VRK1: variants seen among roughly 807,000 people sequenced by gnomAD.
The protein encoded by VRK1 is VRK serine/threonine kinase 1.
VRK1 carries 33 observed loss-of-function variants against 57.1 expected under a neutral mutation model. The ratio of observed to expected loss-of-function variants is 0.58; its 90% CI spans 0.44 to 0.77. VRK1 has a LOEUF of 0.77. Among genes scored for constraint, VRK1 ranks in the 30% least tolerant of loss-of-function variants. VRK1 has a pLI of 0.00. For synonymous variants in VRK1, 137 were observed against 147.8 expected, an observed-to-expected ratio of 0.93 and a Z score of 0.53; for missense variants, 413 against 477.3, an observed-to-expected ratio of 0.87 and a Z score of 1.25.
At chr14:96,869,380 A>T (rs988657634) in intron 11 of VRK1, among the ~76,000 whole-genome samples, 3 of 152,212 alleles carry the variant, frequency 2.0e-5, no homozygotes, top group Non-Finnish European at 4.4e-5. Context: ...ATAAACTAAG[A>T]TCTTAGATCT....
intron 3 of VRK1, among the ~76,000 whole-genome samples, chr14:96,843,436 T>G (rs1429993448): frequency 6.6e-6 from 1 of 152,218 alleles, no homozygotes; most frequent in Non-Finnish European, 1.5e-5. Flanking sequence ...ATGTTTGATT[T>G]TCCTCACTGA....
rs537305680 is a variant in VRK1, at chr14:96,856,893, GGGAGGC to G, written c.889+313_889+318del. 1.2e-4 allele frequency among the ~76,000 whole-genome samples: 18 copies of G among 152,194 alleles called. No individual in the cohort carries two copies. The East Asian group carries it at 3.1e-3, about 26-fold the overall frequency. Reference sequence around the variant, plus strand: ...TGAGGCAGGAGAATCGCTTGAACCCGGGAGGCGGAGGTTGCAGTGAGCCGAGATTGT... The same window carrying G: ...TGAGGCAGGAGAATCGCTTGAACCCGGGAGGTTGCAGTGAGCCGAGATTGT... On this transcript the variant is annotated intron_variant, in intron 10 of 12. Coordinates refer to ENST00000216639, the MANE Select transcript of VRK1 (RefSeq NM_003384.3).
intron 1 of VRK1, among the ~76,000 whole-genome samples, chr14:96,829,481 T>C (rs1886925746): frequency 2.0e-5 from 3 of 152,192 alleles, no homozygotes; most frequent in Admixed American, 2.0e-4. Context: ...ATGTGTTTAT[T>C]TTAAAGATAC....
At chr14:96,878,104 C>G (rs1265299114) in intron 12 of VRK1, among the ~76,000 whole-genome samples, 3 of 152,092 alleles carry the variant, frequency 2.0e-5, no homozygotes, top group Non-Finnish European at 4.4e-5. Context: ...TCCCCCATTA[C>G]AGTTCACTTT....
chr14:96,861,671 T>C (rs1242564348), intron 11 of VRK1, among the ~76,000 whole-genome samples: 1 of 152,192 alleles, frequency 6.6e-6, no homozygotes, highest in Non-Finnish European at 1.5e-5. Flanking sequence ...ATTTTGAAAT[T>C]GGACCAAAAA....
intron 1 of VRK1, among the ~76,000 whole-genome samples, chr14:96,808,026 T>C (rs1465119929): frequency 1.4e-4 from 6 of 42,628 alleles, no homozygotes; most frequent in Non-Finnish European, 3.2e-4. Flanking sequence ...TCTGTGTGTG[T>C]GTGTGTGTGT....
At chr14:96,827,367 C>T (rs139267007) in intron 1 of VRK1, among the ~76,000 whole-genome samples, 1 of 152,126 alleles carries the variant, frequency 6.6e-6, no homozygotes, top group African/African-American at 2.4e-5. Flanking sequence ...AAGTGCTTCT[C>T]TTGTTGCCAT....
chr14:96,848,204 C>T (rs1011283565), intron 5 of VRK1, among the ~76,000 whole-genome samples: 1 of 152,034 alleles, frequency 6.6e-6, no homozygotes, highest in Admixed American at 6.6e-5. Context: ...ATTGTGTGGT[C>T]GCCAGGTGGC....
intron 1 of VRK1, among the ~76,000 whole-genome samples, chr14:96,831,465 A>AT (rs1312546642): frequency 6.6e-6 from 1 of 152,194 alleles, no homozygotes; most frequent in African/African-American, 2.4e-5. Flanking sequence ...CTGTGGGACT[A>AT]TTTTTAGGAA....
intron 11 of VRK1, among the ~76,000 whole-genome samples, chr14:96,873,088 C>T (rs554065064): frequency 2.0e-5 from 3 of 152,200 alleles, no homozygotes; most frequent in East Asian, 1.9e-4. Flanking sequence ...TAACACTGCC[C>T]GAGTACGCAT....
Position 96,853,369 on chromosome 14 carries a change from C to T in VRK1, c.576+203C>T, listed in dbSNP as rs541672683. Among the ~76,000 whole-genome samples, 4 of 151,988 alleles carry T rather than the reference C, an allele frequency of 2.6e-5. No homozygotes were observed. The East Asian group carries it at 7.7e-4, about 29-fold the overall frequency. ...CACTTTATCAAGTTGGCTATTTTGC[C>T]CTAAATAATATTCAGAAGAAGTGCT... is the stretch of plus-strand genomic sequence containing the variant. On this transcript the variant is annotated intron_variant, in intron 7 of 12. Coordinates refer to ENST00000216639, the MANE Select transcript of VRK1 (RefSeq NM_003384.3).
intron 12 of VRK1, among the ~76,000 whole-genome samples, chr14:96,879,206 T>C (rs1281869361): frequency 6.7e-6 from 1 of 149,978 alleles, no homozygotes; most frequent in African/African-American, 2.5e-5. Context: ...GTGTATATTA[T>C]GAAAATGGTT....
Position 96,827,332 on chromosome 14 carries a change from G to GATC in VRK1, c.-5-6135_-5-6134insATC, listed in dbSNP as rs1886837700. Among the ~76,000 whole-genome samples, 4 of 152,160 alleles carry GATC rather than the reference G, an allele frequency of 2.6e-5. No homozygotes were observed. The South Asian group carries it at 8.3e-4, about 32-fold the overall frequency. The stretch of plus-strand genomic sequence containing the variant: ...GATTTTGTCAGTAGAAGGTGAGGAA[G>GATC]GGATACTGCAAGACTTAGCAGAGAA... On this transcript the variant is annotated intron_variant, in intron 1 of 12. Transcript: ENST00000216639.
At chr14:96,852,346 G>T (rs1317793824) in intron 5 of VRK1, among the ~76,000 whole-genome samples, 2 of 152,064 alleles carry the variant, frequency 1.3e-5, no homozygotes, top group Non-Finnish European at 2.9e-5. Flanking sequence ...TTTAAACAAT[G>T]GTATTGAATC....
At chr14:96,831,433 TACTG>T (rs1271297309) in intron 1 of VRK1, among the ~76,000 whole-genome samples, 2 of 152,202 alleles carry the variant, frequency 1.3e-5, no homozygotes, top group Non-Finnish European at 2.9e-5. Flanking sequence ...ATATTGAAGA[TACTG>T]ACAGCGATGA....
intron 11 of VRK1, among the ~76,000 whole-genome samples, chr14:96,863,576 G>A (rs574385609): frequency 6.6e-6 from 1 of 152,210 alleles, no homozygotes; most frequent in East Asian, 1.9e-4. Context: ...TCTCATCCCT[G>A]GAAAGTCGTT....
intron 1 of VRK1, among the ~76,000 whole-genome samples, chr14:96,811,865 G>T (rs556020237): frequency 6.6e-6 from 1 of 151,176 alleles, no homozygotes; most frequent in African/African-American, 2.4e-5. Context: ...AGCTTTTAGT[G>T]TATGCACAGG....
intron 1 of VRK1, among the ~76,000 whole-genome samples, chr14:96,813,930 A>T (rs1021412242): frequency 1.3e-5 from 2 of 152,162 alleles, no homozygotes; most frequent in Admixed American, 1.3e-4. Flanking sequence ...ATATAATGAT[A>T]CAGTCAGTAT....
intron 1 of VRK1, among the ~76,000 whole-genome samples, chr14:96,803,167 CA>C (rs1428278747): frequency 6.1e-5 from 9 of 146,576 alleles, no homozygotes; most frequent in Non-Finnish European, 1.2e-4. Context: ...GTGATGCTGG[CA>C]TTTTTTTTTT....
Sources: allele counts gnomAD v4.1 joint callset (sites outside exome capture counted in the v4.1 genomes callset), GRCh38; gene constraint gnomAD v4.1.1; transcripts MANE v1.5; gene names NCBI Gene and HGNC (gene_info 2026-07-23, HGNC 2026-07-21).